Variants in MAPK6 observed in about 807,000 individuals in gnomAD.
MAPK6 encodes the protein ERK-3.
Under a neutral mutation model 59.3 loss-of-function variants are expected in MAPK6, and 19 were observed. The ratio of observed to expected loss-of-function variants is 0.32; its 90% CI spans 0.22 to 0.47. The LOEUF (loss-of-function observed/expected upper bound fraction) is 0.47, where lower values mean the gene tolerates loss of function less well. Ranked by LOEUF, MAPK6 falls within the 20% of genes least tolerant of loss-of-function variation. The pLI is 1.00. For synonymous variants in MAPK6, 316 were observed against 290.3 expected (o/e 1.09, Z -0.90); for missense variants, 724 against 847.9 (o/e 0.85, Z 1.81).
At chr15:51,975,621 C>T (rs574648309) in intron 1 of MAPK6, among the ~76,000 whole-genome samples, 23 of 151,754 alleles carry the variant, frequency 1.5e-4, no homozygotes, top group African/African-American at 5.1e-4. Flanking sequence ...AACACCTTAA[C>T]GACTTAGAGG....
At chr15:51,982,622 G>A (rs12594784) in intron 1 of MAPK6, among the ~76,000 whole-genome samples, 3 of 151,846 alleles carry the variant, frequency 2.0e-5, no homozygotes, top group Non-Finnish European at 2.9e-5. Context: ...CCTTTAGATA[G>A]CAATCAAAAC....
upstream of MAPK6, among the ~76,000 whole-genome samples, chr15:52,016,171 C>T (rs1377156655): frequency 5.3e-5 from 8 of 150,022 alleles, no homozygotes; most frequent in Non-Finnish European, 1.0e-4. Flanking sequence ...GAGGCCAAGG[C>T]GGGTGGTCAG....
At position 52,064,199 on chromosome 15, in the gene MAPK6, T is replaced by A; in HGVS notation, c.1365T>A (p.Asp455Glu). The A allele has an allele frequency of 1.2e-6, 2 of 1,612,132 alleles. No homozygotes were observed. The highest frequency in any genetic ancestry group is 1.7e-6 in the Non-Finnish European group (2 of 1,179,618). ...AAACGAGGTCATCATCATATTTAGA[T>A]AACTTAGTTTGGAGAGAGAGTGAAG... Reference protein sequence around the residue: ...NYKTRSSSYLDNLVWRESEVN... With the variant: ...NYKTRSSSYLENLVWRESEVN... The change falls in exon 6 of 6, where the codon GAT (aspartate) becomes GAA (glutamate). Residue 455 changes from aspartate to glutamate, a missense_variant. By Grantham distance (45) the Asp-to-Glu change is conservative. Around this residue, in one of 4 missense-constraint regions of MAPK6, gnomAD observed 502 missense variants for 507.6 expected, o/e 0.99. Coordinates refer to ENST00000261845, the MANE Select transcript of MAPK6 (RefSeq NM_002748.4).
chr15:52,055,677 G>T (rs58450892), intron 3 of MAPK6, among the ~76,000 whole-genome samples: 1 of 151,992 alleles, frequency 6.6e-6, no homozygotes, highest in East Asian at 1.9e-4. Flanking sequence ...CTCCATGCCC[G>T]GCTAATTTTT....
chr15:52,023,434 C>G (rs930987849), intron 1 of MAPK6, among the ~76,000 whole-genome samples: 4 of 152,172 alleles, frequency 2.6e-5, no homozygotes, highest in African/African-American at 9.7e-5. Context: ...ACTGAGACTT[C>G]ACAAAAACAA....
intron 4 of MAPK6, among the ~76,000 whole-genome samples, chr15:52,060,061 C>A (rs185335900): frequency 6.6e-6 from 1 of 152,166 alleles, no homozygotes; most frequent in African/African-American, 2.4e-5. Flanking sequence ...CTCATCCTTT[C>A]TGTAGTATAC....
At chr15:51,997,156 A>G (rs2057226902) in intron 2 of MAPK6, among the ~76,000 whole-genome samples, 1 of 150,634 alleles carries the variant, frequency 6.6e-6, no homozygotes, top group South Asian at 2.1e-4. Context: ...GTTTTCTTGT[A>G]TTTTTAGTAG....
chr15:52,058,435 A>C (rs1249341317), intron 3 of MAPK6, among the ~76,000 whole-genome samples, 198 bp from the exon 4 acceptor site: 1 of 152,240 alleles, frequency 6.6e-6, no homozygotes, highest in Non-Finnish European at 1.5e-5. Context: ...ACAAAGCAGC[A>C]AAAACTAAAT....
At chr15:52,018,007 AC>A (rs746991162), upstream of MAPK6, 2 of 151,130 alleles carry the variant, frequency 1.3e-5, no homozygotes, top group Non-Finnish European at 2.9e-5. Flanking sequence ...ATTCAAGCTC[AC>A]CCCAACCACT....
intron 2 of MAPK6, among the ~76,000 whole-genome samples, chr15:51,996,479 T>C (rs551885511): frequency 6.6e-6 from 1 of 152,282 alleles, no homozygotes; most frequent in South Asian, 2.1e-4. Context: ...CACTGCAACC[T>C]CCACCTCTTG....
chr15:52,034,455 G>A (rs1306730862), intron 1 of MAPK6, among the ~76,000 whole-genome samples: 4 of 151,872 alleles, frequency 2.6e-5, no homozygotes, highest in Non-Finnish European at 5.9e-5. Context: ...TGGGACAGGC[G>A]CATGCCACCA....
upstream of MAPK6, chr15:52,017,340 A>T (rs1348939843): frequency 6.6e-6 from 1 of 152,192 alleles, no homozygotes; most frequent in African/African-American, 2.4e-5. Flanking sequence ...GTACATTCTC[A>T]AGGGTGGGGA....
chr15:52,009,418 C>T (rs2029992182), intron 3 of MAPK6, among the ~76,000 whole-genome samples: 1 of 152,156 alleles, frequency 6.6e-6, no homozygotes, highest in African/African-American at 2.4e-5. Context: ...GGACAGAATG[C>T]AAATAAGAAA....
chr15:52,050,156 GA>G lies in MAPK6; in HGVS notation c.700+24del. 5 of 1,582,648 alleles carry G rather than the reference GA, an allele frequency of 3.2e-6. No homozygotes were observed. The highest frequency in any genetic ancestry group is 1.2e-5 in the South Asian group (1 of 84,120). On this transcript the variant is annotated intron_variant, in intron 3 of 5. Transcript: ENST00000261845. ...TTTGCAGGTTAGTATTTTGTGGGGGGAAAAATTTTCCCAAAGAGAAGTAATT... is the reference window on the plus strand; with the variant it reads ...TTTGCAGGTTAGTATTTTGTGGGGGGAAAATTTTCCCAAAGAGAAGTAATT...
upstream of MAPK6, chr15:52,019,164 C>A (rs1321275071): frequency 6.6e-6 from 1 of 151,914 alleles, no homozygotes; most frequent in Non-Finnish European, 1.5e-5. Flanking sequence ...GCGGGAGAAC[C>A]CGTGGAGTGA....
chr15:52,022,426 A>G (rs1202679716), intron 1 of MAPK6, among the ~76,000 whole-genome samples: 1 of 151,862 alleles, frequency 6.6e-6, no homozygotes, highest in Non-Finnish European at 1.5e-5. Flanking sequence ...ATGCCTGGCT[A>G]GTTTTTCGTA....
chr15:52,057,411 ATTG>A (rs1043967842), intron 3 of MAPK6, among the ~76,000 whole-genome samples: 3 of 152,068 alleles, frequency 2.0e-5, no homozygotes, highest in African/African-American at 7.2e-5. Context: ...CACTTGTCTA[ATTG>A]TTGTTTCTTT....
At chr15:52,022,538 A>C (rs2141850948) in intron 1 of MAPK6, among the ~76,000 whole-genome samples, 1 of 152,270 alleles carries the variant, frequency 6.6e-6, no homozygotes, top group Non-Finnish European at 1.5e-5. Flanking sequence ...TTGGGATTAC[A>C]GGTGTGAGCC....
chr15:52,021,407 A>G (rs1370969860), intron 1 of MAPK6: 1 of 146,038 alleles, frequency 6.8e-6, no homozygotes, highest in African/African-American at 2.6e-5. Flanking sequence ...TTTCTAAATG[A>G]TAGGCTAAAA....
Sources: gnomAD v4.1 joint callset for allele counts (sites outside exome capture counted in the v4.1 genomes callset) on GRCh38, gnomAD v4.1.1 for gene constraint, gnomAD v4.1.1 regional missense constraint, MANE v1.5 for transcripts, NCBI Gene and HGNC (gene_info 2026-07-23, HGNC 2026-07-21) for gene names.